The following SLC30A5 variants were observed in gnomAD, a reference collection of about 807,000 sequenced individuals.
SLC30A5 encodes the protein proton-coupled zinc antiporter SLC30A5.
Under a neutral mutation model 79.6 loss-of-function variants are expected in SLC30A5, and 33 were observed. The observed-to-expected ratio is 0.41, with a 90% confidence interval of 0.31 to 0.55. SLC30A5 has a LOEUF of 0.55. Among genes scored for constraint, SLC30A5 ranks in the 20% least tolerant of loss-of-function variants. The pLI is 0.20. For missense variants in SLC30A5, 788 were observed against 928.1 expected, an observed-to-expected ratio of 0.85 and a Z score of 1.96; for synonymous variants, 299 against 319.7, an observed-to-expected ratio of 0.94 and a Z score of 0.69.
chr5:69,130,287 A>G lies in SLC30A5; in HGVS notation c.*670A>G, dbSNP rs2112014241. On this transcript the variant is annotated 3_prime_UTR_variant, in exon 16 of 16. Transcript: ENST00000396591. ...GGTAATATTTGCAAATGAATAATTAATTTATTAGGGTAAAGAACTTATACT... is the reference window on the plus strand; with the variant it reads ...GGTAATATTTGCAAATGAATAATTAGTTTATTAGGGTAAAGAACTTATACT... The G allele has an allele frequency of 6.6e-6, 1 of 152,248 alleles. No homozygotes were observed. Among genetic ancestry groups the G allele is most frequent in the East Asian group, 1.9e-4 (1 of 5,178 alleles). The allele number at this position is 152,248 out of a possible 1,614,324, so 9.4% of individuals were successfully genotyped here.
chr5:69,124,190 A>G (rs1746613359), intron 14 of SLC30A5, among the ~76,000 whole-genome samples: 1 of 151,846 alleles, frequency 6.6e-6, no homozygotes, highest in African/African-American at 2.4e-5. Context: ...AAAAAATAAT[A>G]AGTTCCCATT....
At position 69,123,528 on chromosome 5, in the gene SLC30A5, G is replaced by A. The variant is rs771492809; in HGVS notation, c.1998+103G>A. On this transcript the variant is annotated intron_variant, in intron 14 of 15. Coordinates refer to ENST00000396591, the MANE Select transcript of SLC30A5 (RefSeq NM_022902.5). ...AACCAAATAAATAATAAAACAAAAC[G>A]AGGCCAAAAAAGAAATATAAAGTAG... 132 of 851,788 alleles carry A rather than the reference G, an allele frequency of 1.5e-4. 1 individual carries two copies. The highest frequency in any genetic ancestry group is 3.3e-4 in the African/African-American group (19 of 58,336). The allele number at this position is 851,788 out of a possible 1,614,324, so 52.8% of individuals were successfully genotyped here.
At chr5:69,118,836 T>C (rs965368111) in intron 12 of SLC30A5, among the ~76,000 whole-genome samples, 13 of 146,280 alleles carry the variant, frequency 8.9e-5, no homozygotes, top group African/African-American at 3.3e-4. Flanking sequence ...ACAGAGTCTC[T>C]GTTTTCCAGG....
rs963060415 is a variant in SLC30A5 at position 69,123,445 on chromosome 5, C to G, written c.1998+20C>G. On this transcript the variant is annotated intron_variant, in intron 14 of 15. Transcript: ENST00000396591. ...GAAAAGGTACTGTATGTAATTTCTT[C>G]ACTACTTTCTTCCTTGAAAATCACA... 6.4e-7 allele frequency: 1 copy of G among 1,560,858 alleles called. No homozygotes were observed. Among genetic ancestry groups the G allele is most frequent in the African/African-American group, 1.4e-5 (1 of 73,888 alleles).
intron 12 of SLC30A5, among the ~76,000 whole-genome samples, chr5:69,120,045 A>G (rs1746494629): frequency 6.6e-6 from 1 of 151,246 alleles, no homozygotes; most frequent in Non-Finnish European, 1.5e-5. Flanking sequence ...AAAGTAGTAC[A>G]TGATTCATTG....
At chr5:69,122,215 G>A (rs1406986661) in intron 13 of SLC30A5, among the ~76,000 whole-genome samples, 1 of 152,152 alleles carries the variant, frequency 6.6e-6, no homozygotes, top group African/African-American at 2.4e-5. Context: ...TGGCCAATAT[G>A]GTGAAACCCT....
intron 5 of SLC30A5, among the ~76,000 whole-genome samples, chr5:69,111,196 G>A (rs1176932498): frequency 6.6e-6 from 1 of 151,856 alleles, no homozygotes. Context: ...GTTTCACTAT[G>A]TTGGCCAGGC....
In SLC30A5 at chr5:69,104,130, T is replaced by TC; in HGVS notation, c.274-499dup. On this transcript the variant is annotated intron_variant, in intron 3 of 15. Coordinates refer to ENST00000396591, the MANE Select transcript of SLC30A5 (RefSeq NM_022902.5). ...ATAGATAATGGAAAACAGAATACTGTCCTTTTTTTTTTTCTTTCTTTTTTT... is the reference window on the plus strand; with the variant it reads ...ATAGATAATGGAAAACAGAATACTGTCCCTTTTTTTTTTTCTTTCTTTTTTT... The TC allele has an allele frequency of 5.1e-6, 7 of 1,384,486 alleles. No individual in the cohort carries two copies. The South Asian group carries it at 1.0e-4, about 21-fold the overall frequency. The allele number at this position is 1,384,486 out of a possible 1,614,324, so 85.8% of individuals were successfully genotyped here.
chr5:69,104,179 C>T (rs1363925381), intron 3 of SLC30A5: 5 of 1,130,944 alleles, frequency 4.4e-6, no homozygotes, highest in Non-Finnish European at 5.9e-6. Flanking sequence ...GCTCCATCGC[C>T]CAGGCTGCAG....
In SLC30A5 at chr5:69,129,459, C is replaced by G; in HGVS notation, c.2140C>G (p.Leu714Val). 2 of 1,611,036 alleles carry G rather than the reference C, an allele frequency of 1.2e-6. No homozygotes were observed. Among genetic ancestry groups the G allele is most frequent in the Non-Finnish European group, 1.7e-6 (2 of 1,178,998 alleles). The change falls in exon 16 of 16, where the codon CTT (leucine) becomes GTT (valine). Residue 714 changes from leucine to valine, a missense_variant. Physicochemically the swap from Leu to Val is conservative, Grantham distance 32. Around this residue, in one of 3 missense-constraint regions of SLC30A5, gnomAD observed 158 missense variants for 156.2 expected, o/e 1.01. Coordinates refer to ENST00000396591, the MANE Select transcript of SLC30A5 (RefSeq NM_022902.5). ...QRIVQQVTGI[L>V]KDAGVNNLTI... Reference sequence around the variant, plus strand: ...ATTTTTATAACAGGTTACAGGAATACTTAAAGATGCTGGAGTAAACAATTT... The same window carrying G: ...ATTTTTATAACAGGTTACAGGAATAGTTAAAGATGCTGGAGTAAACAATTT...
Position 69,117,329 on chromosome 5 carries a change from G to T in SLC30A5, c.1372G>T (p.Ala458Ser). The change falls in exon 11 of 16, where the codon GCT becomes TCT. Residue 458 changes from alanine to serine, a missense_variant. This residue lies in a region of SLC30A5 where 626 missense variants were observed against 755.5 expected (regional missense o/e 0.83). Coordinates refer to ENST00000396591, the MANE Select transcript of SLC30A5 (RefSeq NM_022902.5). ...DGFHMLFDCS[A>S]LVMGLFAALM... ...ATTCCACATGCTTTTTGACTGCTCTGCTTTAGTCATGGGACTTTTTGCTGC... is the reference window on the plus strand; with the variant it reads ...ATTCCACATGCTTTTTGACTGCTCTTCTTTAGTCATGGGACTTTTTGCTGC... The T allele has an allele frequency of 6.2e-7, 1 of 1,613,866 alleles. No individual in the cohort carries two copies. The highest frequency in any genetic ancestry group is 1.6e-4 in the Middle Eastern group (1 of 6,062).
At chr5:69,117,748 G>A (rs377340145) in intron 11 of SLC30A5, among the ~76,000 whole-genome samples, 2 of 151,806 alleles carry the variant, frequency 1.3e-5, no homozygotes, top group Non-Finnish European at 2.9e-5. Context: ...ATGGTGGCAC[G>A]CACCTGTAGC....
Position 69,123,405 on chromosome 5 carries a change from C to A in SLC30A5, c.1978C>A (p.Leu660Ile), listed in dbSNP as rs1306910889. 1 of 1,612,460 alleles carries A rather than the reference C, an allele frequency of 6.2e-7. No individual in the cohort carries two copies. Among genetic ancestry groups the A allele is most frequent in the Non-Finnish European group, 8.5e-7 (1 of 1,178,780 alleles). ...ATTGCCACCAGAATATGAAAAAGAA[C>A]TACATATTGCTTTAGAAAAGGTACT... is the stretch of plus-strand genomic sequence containing the variant. The part of the protein sequence containing the change: ...LRLPPEYEKE[L>I]HIALEKIQKI... The change falls in exon 14 of 16, where the codon CTA (leucine) becomes ATA (isoleucine). Residue 660 changes from leucine to isoleucine, a missense_variant. Leu to Ile is a conservative substitution (Grantham distance 5). Around this residue, in one of 3 missense-constraint regions of SLC30A5, gnomAD observed 158 missense variants for 156.2 expected, o/e 1.01. Transcript: ENST00000396591.
Position 69,129,873 on chromosome 5 carries a change from A to G in SLC30A5, c.*256A>G. 1 of 263,422 alleles carries G rather than the reference A, an allele frequency of 3.8e-6. No individual in the cohort carries two copies. The highest frequency in any genetic ancestry group is 7.1e-6 in the Non-Finnish European group (1 of 140,838). 16.3% of individuals were successfully genotyped at this position (263,422 alleles called of 1,614,324 possible). On this transcript the variant is annotated 3_prime_UTR_variant, in exon 16 of 16. Coordinates refer to ENST00000396591, the MANE Select transcript of SLC30A5 (RefSeq NM_022902.5). ...AACATGATGTATTACATCATCTTCA[A>G]AAATAGATATGATGGATTCTAGTGA...
intron 15 of SLC30A5, among the ~76,000 whole-genome samples, chr5:69,128,813 A>G (rs2112010447): frequency 6.6e-6 from 1 of 152,328 alleles, no homozygotes; most frequent in African/African-American, 2.4e-5. Context: ...GATAGAGGTC[A>G]GAATAGTTAC....
chr5:69,122,090 C>G (rs1342242831), intron 13 of SLC30A5, among the ~76,000 whole-genome samples, 195 bp downstream of exon 13: 4 of 152,100 alleles, frequency 2.6e-5, no homozygotes, highest in Non-Finnish European at 5.9e-5. Context: ...TATTATTCAG[C>G]CTTTAAAAAG....
chr5:69,110,089 C>G (rs1379070854), intron 5 of SLC30A5, among the ~76,000 whole-genome samples: 2 of 152,304 alleles, frequency 1.3e-5, no homozygotes, highest in South Asian at 4.2e-4. Context: ...TTTAGGACAA[C>G]ATGAGTAAAC....
chr5:69,128,974 A>C (rs1352145577), intron 15 of SLC30A5, among the ~76,000 whole-genome samples: 3 of 152,242 alleles, frequency 2.0e-5, no homozygotes, highest in Non-Finnish European at 2.9e-5. Flanking sequence ...ATCTTGGACT[A>C]CTGTAACTGT....
chr5:69,098,050 A>C (rs1196486004), intron 1 of SLC30A5, among the ~76,000 whole-genome samples: 1 of 151,344 alleles, frequency 6.6e-6, no homozygotes, highest in Non-Finnish European at 1.5e-5. Flanking sequence ...GTCTCGCTGT[A>C]TTGCCCAGGT....
Sources: gnomAD v4.1 joint callset for allele counts (sites outside exome capture counted in the v4.1 genomes callset) on GRCh38, gnomAD v4.1.1 for gene constraint, gnomAD v4.1.1 regional missense constraint, MANE v1.5 for transcripts, NCBI Gene and HGNC (gene_info 2026-07-23, HGNC 2026-07-21) for gene names.